SLC25A21: variants seen among roughly 807,000 people sequenced by gnomAD.
SLC25A21 encodes the protein solute carrier family 25 member 21.
In SLC25A21, 47 loss-of-function variants were observed where a neutral mutation model predicts 43.8. The ratio of observed to expected loss-of-function variants is 1.07; its 90% confidence interval spans 0.85 to 1.37. SLC25A21 has a LOEUF of 1.37. Ranked by LOEUF, SLC25A21 falls within the 40% of genes most tolerant of loss-of-function variation. The pLI is 0.00. For missense variants in SLC25A21, 352 were observed against 350.2 expected (o/e 1.00, Z -0.04); for synonymous variants, 131 against 121.3 (o/e 1.08, Z -0.52).
intron 1 of SLC25A21, among the ~76,000 whole-genome samples, chr14:37,002,819 T>C (rs1403018508): frequency 6.6e-6 from 1 of 152,224 alleles, no homozygotes; most frequent in Non-Finnish European, 1.5e-5. Context: ...TTCTTTCCAG[T>C]AACTCCACAG....
intron 1 of SLC25A21, among the ~76,000 whole-genome samples, chr14:37,065,414 G>A (rs938651947): frequency 1.3e-5 from 2 of 152,236 alleles, no homozygotes; most frequent in African/African-American, 4.8e-5. Flanking sequence ...GAGCTCTGGA[G>A]ATTATTTTGG....
intron 3 of SLC25A21, among the ~76,000 whole-genome samples, chr14:36,795,124 C>T (rs540789316): frequency 6.6e-6 from 1 of 152,184 alleles, no homozygotes; most frequent in South Asian, 2.1e-4. Context: ...AAAAGAAAGT[C>T]TATATAAATT....
chr14:36,834,793 A>G (rs572248261), intron 2 of SLC25A21, among the ~76,000 whole-genome samples: 2 of 152,292 alleles, frequency 1.3e-5, no homozygotes, highest in African/African-American at 4.8e-5. Context: ...TCAAATGTCA[A>G]TGAGATCAAC....
intron 1 of SLC25A21, among the ~76,000 whole-genome samples, chr14:37,007,333 T>C (rs1960626146): frequency 1.3e-5 from 2 of 152,210 alleles, no homozygotes; most frequent in African/African-American, 4.8e-5. Flanking sequence ...CCAGGTGCGG[T>C]GGCTCACGCC....
At chr14:37,004,926 A>AT (rs35750060) in intron 1 of SLC25A21, among the ~76,000 whole-genome samples, 4,035 of 143,158 alleles carry the variant, frequency 0.028, 86 homozygotes, top group East Asian at 0.098. Flanking sequence ...CAGGGAAGGA[A>AT]TTTTTTTTTT....
chr14:36,876,309 T>C (rs1890521521), intron 1 of SLC25A21, among the ~76,000 whole-genome samples: 1 of 152,194 alleles, frequency 6.6e-6, no homozygotes, highest in African/African-American at 2.4e-5. Flanking sequence ...CTTAGGAAGT[T>C]TTCCCTGCAT....
At chr14:36,825,105 G>T (rs1719174579) in intron 2 of SLC25A21, among the ~76,000 whole-genome samples, 1 of 152,072 alleles carries the variant, frequency 6.6e-6, no homozygotes, top group African/African-American at 2.4e-5. Context: ...GATACATTCT[G>T]GACAACAACA....
chr14:36,973,231 G>A (rs1319121217), intron 1 of SLC25A21, among the ~76,000 whole-genome samples: 1 of 152,040 alleles, frequency 6.6e-6, no homozygotes, highest in Non-Finnish European at 1.5e-5. Flanking sequence ...GATAGGAATG[G>A]CAGGAAGCAG....
chr14:37,063,135 G>A (rs952202838), intron 1 of SLC25A21, among the ~76,000 whole-genome samples: 115 of 151,970 alleles, frequency 7.6e-4, no homozygotes, highest in Non-Finnish European at 1.1e-3. Flanking sequence ...TGGAGAAACC[G>A]CCCCCATGAT....
At position 37,098,786 on chromosome 14, in the gene SLC25A21, C is replaced by CAGATAGAT. The variant is rs1407209801; in HGVS notation, c.70+73487_70+73494dup. Among the ~76,000 whole-genome samples, 73 of 139,102 alleles carry CAGATAGAT rather than the reference C, an allele frequency of 5.2e-4. 1 individual carries two copies. Among genetic ancestry groups the CAGATAGAT allele is most frequent in the African/African-American group, 1.2e-3 (40 of 33,818 alleles). 91.3% of individuals were successfully genotyped at this position (139,102 alleles called of 152,430 possible). ...ACAGACAGACAGACAGACAGACAGACAGATAGATAGATAGATAGATTTTTT... is the reference window on the plus strand; with the variant it reads ...ACAGACAGACAGACAGACAGACAGACAGATAGATAGATAGATAGATAGATAGATTTTTT... On this transcript the variant is annotated intron_variant, in intron 1 of 9. Coordinates refer to ENST00000331299, the MANE Select transcript of SLC25A21 (RefSeq NM_030631.4).
At chr14:36,722,135 T>C (rs922060177) in intron 6 of SLC25A21, among the ~76,000 whole-genome samples, 1 of 152,216 alleles carries the variant, frequency 6.6e-6, no homozygotes, top group Non-Finnish European at 1.5e-5. Context: ...AGATGTGCTG[T>C]TAACACAAAA....
At chr14:36,850,764 A>T (rs527964641) in intron 2 of SLC25A21, among the ~76,000 whole-genome samples, 1 of 152,190 alleles carries the variant, frequency 6.6e-6, no homozygotes, top group Non-Finnish European at 1.5e-5. Flanking sequence ...ATGAATTTTA[A>T]CACTATCCAG....
chr14:36,941,058 T>C (rs1892544318), intron 1 of SLC25A21, among the ~76,000 whole-genome samples: 2 of 152,056 alleles, frequency 1.3e-5, no homozygotes, highest in African/African-American at 2.4e-5. Flanking sequence ...ATGCAGTATA[T>C]ATTATATCTA....
chr14:37,164,573 C>A (rs1964000601), intron 1 of SLC25A21, among the ~76,000 whole-genome samples: 2 of 152,150 alleles, frequency 1.3e-5, no homozygotes, highest in African/African-American at 4.8e-5. Context: ...ACCTTGATTA[C>A]CCCCTGGTGT....
intron 3 of SLC25A21, among the ~76,000 whole-genome samples, chr14:36,745,988 G>A (rs1439591175): frequency 6.6e-6 from 1 of 151,996 alleles, no homozygotes; most frequent in Non-Finnish European, 1.5e-5. Context: ...AAAAGAGAAC[G>A]CTTCTACACT....
At chr14:37,162,696 C>T (rs558507555) in intron 1 of SLC25A21, among the ~76,000 whole-genome samples, 1 of 152,156 alleles carries the variant, frequency 6.6e-6, no homozygotes, top group Non-Finnish European at 1.5e-5. Flanking sequence ...GTTGGTGGGA[C>T]TGTAAACTAG....
intron 1 of SLC25A21, among the ~76,000 whole-genome samples, chr14:36,931,725 A>T (rs1388246637): frequency 1.3e-5 from 2 of 152,128 alleles, no homozygotes; most frequent in Non-Finnish European, 2.9e-5. Flanking sequence ...AAAGCAGGTA[A>T]ATTCAAAAGA....
At chr14:37,090,397 T>C (rs1385154755) in intron 1 of SLC25A21, among the ~76,000 whole-genome samples, 6 of 152,190 alleles carry the variant, frequency 3.9e-5, no homozygotes, top group African/African-American at 2.4e-5. Flanking sequence ...CCCATCGCCA[T>C]GTAGTTGGTG....
chr14:37,092,982 C>G (rs1219586822), intron 1 of SLC25A21, among the ~76,000 whole-genome samples: 1 of 151,708 alleles, frequency 6.6e-6, no homozygotes, highest in Non-Finnish European at 1.5e-5. Flanking sequence ...ATCTTTTGTC[C>G]ATCTTTTTTA....
Sources: gnomAD v4.1 joint callset for allele counts (sites outside exome capture counted in the v4.1 genomes callset) on GRCh38, gnomAD v4.1.1 for gene constraint, MANE v1.5 for transcripts, NCBI Gene and HGNC (gene_info 2026-07-23, HGNC 2026-07-21) for gene names.